LAMA1: variants seen among roughly 807,000 people sequenced by gnomAD.
LAMA1 encodes laminin subunit alpha 1.
LAMA1 carries 219 observed loss-of-function variants against 348.7 expected under a neutral mutation model. The observed-to-expected ratio is 0.63, with a 90% CI of 0.56 to 0.70. LAMA1 has a LOEUF of 0.70. Ranked by LOEUF, LAMA1 falls within the 30% of genes least tolerant of loss-of-function variation. The pLI, the probability that LAMA1 is intolerant of heterozygous loss-of-function variation, is 0.00. For synonymous variants in LAMA1, 1,487 were observed against 1,491.0 expected (o/e 1.00, Z 0.06); for missense variants, 3,744 against 3,888.0 (o/e 0.96, Z 0.99).
intron 3 of LAMA1, chr18:7,079,392 A>T (rs1287775798): frequency 6.3e-6 from 1 of 159,664 alleles, no homozygotes; most frequent in Non-Finnish European, 1.4e-5. Flanking sequence ...CAAGGTAAGG[A>T]GATGCAGGTG....
intron 19 of LAMA1, among the ~76,000 whole-genome samples, chr18:7,019,925 AC>A (rs2144133772): frequency 6.6e-6 from 1 of 151,832 alleles, no homozygotes; most frequent in Non-Finnish European, 1.5e-5. Flanking sequence ...TAGGTGATCC[AC>A]CTGCCTCAGC....
At chr18:7,063,439 T>C (rs1003525628) in intron 3 of LAMA1, among the ~76,000 whole-genome samples, 9 of 152,288 alleles carry the variant, frequency 5.9e-5, no homozygotes, top group Admixed American at 5.2e-4. Context: ...GAAAACAGTA[T>C]GGTGGTCCCT....
chr18:7,041,433 T>G (rs113036453), intron 9 of LAMA1, among the ~76,000 whole-genome samples: 1,674 of 152,244 alleles, frequency 0.011, 32 homozygotes, highest in African/African-American at 0.037. Flanking sequence ...TAAGAATCAA[T>G]TCAGTTGGGT....
In LAMA1 at chr18:6,952,204, C is replaced by T. The variant is rs560407787; in HGVS notation, c.8208-1233G>A. On this transcript the variant is annotated intron_variant, in intron 57 of 62. Transcript: ENST00000389658. ...AGCTGGGAGACTGAGGAAGGCGGGC[C>T]GAGAGAGAGCAGGGAACTAGGAGAG... Among the ~76,000 whole-genome samples the T allele has an allele frequency of 1.4e-4, 21 of 152,172 alleles. No individual in the cohort carries two copies. In the East Asian group the frequency reaches 2.9e-3, roughly 21 times the overall value.
chr18:7,034,498 C>T lies in LAMA1; in HGVS notation c.2032G>A (p.Ala678Thr), dbSNP rs1275856775. 1.2e-6 allele frequency: 2 copies of T among 1,613,976 alleles called. No individual in the cohort carries two copies. Among genetic ancestry groups the T allele is most frequent in the East Asian group, 4.5e-5 (2 of 44,860 alleles). The change falls in exon 14 of 63, where the codon GCA becomes ACA. Residue 678 changes from alanine (A) to threonine (T), a missense_variant. Around this residue, in one of 3 missense-constraint regions of LAMA1, gnomAD observed 1,529 missense variants for 1,689.4 expected, o/e 0.91. Transcript: ENST00000389658. ...HLLIRANYNS[A>T]KMALYRLESV... Reference sequence around the variant, plus strand: ...ACATACCTGTAAAGAGCCATTTTTGCAGAATTGTAGTTGGCTCTGATCAAA... The same window carrying T: ...ACATACCTGTAAAGAGCCATTTTTGTAGAATTGTAGTTGGCTCTGATCAAA...
intron 27 of LAMA1, 62 bp from the exon 28 acceptor site, chr18:7,008,670 G>A (rs981309702): frequency 6.3e-7 from 1 of 1,584,142 alleles, no homozygotes; most frequent in African/African-American, 1.3e-5. Flanking sequence ...TAGAAACATA[G>A]CACATGACCT....
intron 1 of LAMA1, among the ~76,000 whole-genome samples, chr18:7,080,700 G>A (rs1320622559): frequency 1.3e-5 from 2 of 152,148 alleles, no homozygotes; most frequent in Admixed American, 6.5e-5. Flanking sequence ...ACTATGAAAC[G>A]ACAGAGGAAC....
intron 39 of LAMA1, 25 bp from the exon 40 acceptor site, chr18:6,983,259 C>G: frequency 6.2e-7 from 1 of 1,613,744 alleles, no homozygotes; most frequent in Non-Finnish European, 8.5e-7. Context: ...TATTTAGATA[C>G]GTTATGATAA....
In LAMA1 at chr18:7,117,581, C is replaced by T. The variant is rs1420510822; in HGVS notation, c.61+79G>A. 7 of 1,474,558 alleles carry T rather than the reference C, an allele frequency of 4.7e-6. No homozygotes were observed. In the Admixed American group the frequency reaches 9.3e-5, roughly 20 times the overall value. The allele number at this position is 1,474,558 out of a possible 1,614,324, so 91.3% of individuals were successfully genotyped here. Reference sequence around the variant, plus strand: ...CGCGCCCGGACTCCAGCAGCCCCAACGCGACGGGCTTTGTCCGCGGCCGCC... The same window carrying T: ...CGCGCCCGGACTCCAGCAGCCCCAATGCGACGGGCTTTGTCCGCGGCCGCC... On this transcript the variant is annotated intron_variant, in intron 1 of 62. Transcript: ENST00000389658.
In LAMA1 at chr18:7,047,316, T is replaced by C. The variant is rs1011763750; in HGVS notation, c.769-949A>G. Among the ~76,000 whole-genome samples the C allele has an allele frequency of 1.3e-5, 2 of 152,318 alleles. 1 individual carries two copies. The highest frequency in any genetic ancestry group is 6.8e-3 in the Middle Eastern group (2 of 294). ...CCTCAGCCTCCCAAAGTGCTGGGAT[T>C]ACAGCATGAGCCACTGTGCCCGGCC... On this transcript the variant is annotated intron_variant, in intron 5 of 62. Transcript: ENST00000389658.
intron 3 of LAMA1, among the ~76,000 whole-genome samples, chr18:7,065,040 T>C (rs1016183861): frequency 3.0e-4 from 45 of 151,972 alleles, no homozygotes; most frequent in Non-Finnish European, 2.2e-4. Context: ...AAGACCATCC[T>C]GGCTAACAGG....
At chr18:7,103,773 T>C (rs1350109789) in intron 1 of LAMA1, among the ~76,000 whole-genome samples, 2 of 149,976 alleles carry the variant, frequency 1.3e-5, no homozygotes, top group African/African-American at 4.9e-5. Context: ...GAGCCGAGAT[T>C]GTGCCACTGC....
At chr18:7,111,934 A>C (rs1029055903) in intron 1 of LAMA1, among the ~76,000 whole-genome samples, 1 of 152,118 alleles carries the variant, frequency 6.6e-6, no homozygotes, top group Admixed American at 6.6e-5. Flanking sequence ...TTTTAAATAC[A>C]TATTTTCTGT....
chr18:7,026,279 G>A (rs1021573794), intron 16 of LAMA1, among the ~76,000 whole-genome samples, 173 bp from the exon 17 acceptor site: 1 of 152,218 alleles, frequency 6.6e-6, no homozygotes, highest in African/African-American at 2.4e-5. Flanking sequence ...ATCAGCAAGT[G>A]TAATTTGTAT....
intron 34 of LAMA1, among the ~76,000 whole-genome samples, chr18:6,994,536 T>G (rs1311052431): frequency 6.6e-6 from 1 of 152,144 alleles, no homozygotes; most frequent in Non-Finnish European, 1.5e-5. Flanking sequence ...ACTTAAACCC[T>G]TCAACTCTTT....
At chr18:7,024,552 C>A (rs960579482) in intron 17 of LAMA1, 86 bp from the exon 18 acceptor site, 19 of 1,109,914 alleles carry the variant, frequency 1.7e-5, no homozygotes, top group East Asian at 2.6e-5. Context: ...TCTACTACTC[C>A]TGTGCTTCCA....
At chr18:7,085,713 T>C (rs767012236) in intron 1 of LAMA1, among the ~76,000 whole-genome samples, 53 of 152,164 alleles carry the variant, frequency 3.5e-4, no homozygotes, top group African/African-American at 2.9e-4. Context: ...CCACCGCTCC[T>C]GGCCTATTTT....
At chr18:6,961,536 C>G in intron 53 of LAMA1, 50 bp downstream of exon 53, 1 of 1,606,040 alleles carries the variant, frequency 6.2e-7, no homozygotes, top group Non-Finnish European at 8.5e-7. Flanking sequence ...CTCATTGTTT[C>G]CCGAAGTAAT....
At chr18:7,027,480 C>T (rs539424125) in intron 16 of LAMA1, among the ~76,000 whole-genome samples, 16 of 149,572 alleles carry the variant, frequency 1.1e-4, no homozygotes, top group African/African-American at 3.7e-4. Flanking sequence ...TAATTATTTC[C>T]AAATAAAGAG....
Sources: allele counts gnomAD v4.1 joint callset (sites outside exome capture counted in the v4.1 genomes callset), GRCh38; gene constraint gnomAD v4.1.1; regional missense constraint gnomAD v4.1.1; transcripts MANE v1.5; gene names NCBI Gene and HGNC (gene_info 2026-07-23, HGNC 2026-07-21).